The following PCP4 variants were observed in gnomAD, a reference collection of about 807,000 sequenced individuals.
PCP4 encodes the protein calmodulin regulator protein PCP4.
In PCP4, 8 loss-of-function variants were observed where a neutral mutation model predicts 10.0. The observed-to-expected ratio is 0.80, with a 90% CI of 0.47 to 1.45. The LOEUF is 1.45. Ranked by LOEUF, PCP4 falls within the 40% of genes most tolerant of loss-of-function variation. The pLI is 0.00. For synonymous variants in PCP4, 21 were observed against 23.0 expected, an observed-to-expected ratio of 0.91 and a Z score of 0.24; for missense variants, 54 against 74.4, an observed-to-expected ratio of 0.73 and a Z score of 1.01.
chr21:39,880,482 C>T (rs770167114), intron 1 of PCP4, among the ~76,000 whole-genome samples: 6 of 151,782 alleles, frequency 4.0e-5, no homozygotes, highest in Non-Finnish European at 5.9e-5. Flanking sequence ...TGTGTGCATG[C>T]GTGTGAGTGT....
rs571880500 is a variant in PCP4 at position 39,897,977 on chromosome 21, C to T, written c.10-499C>T. ...AGGAGAATGGTGTGAACCTGGGAGG[C>T]GGAGGTTGCAGCGAGCCAAGATTGC... On this transcript the variant is annotated intron_variant, in intron 1 of 2. Transcript: ENST00000328619. Among the ~76,000 whole-genome samples the T allele has an allele frequency of 1.3e-3, 166 of 131,180 alleles. 1 individual carries two copies. Among genetic ancestry groups the T allele is most frequent in the Admixed American group, 4.4e-3 (47 of 10,762 alleles). 86.1% of individuals were successfully genotyped at this position (131,180 alleles called of 152,430 possible).
chr21:39,882,998 T>G (rs1046682843), intron 1 of PCP4, among the ~76,000 whole-genome samples: 13 of 152,212 alleles, frequency 8.5e-5, no homozygotes, highest in Non-Finnish European at 1.6e-4. Context: ...CCACTGTTAT[T>G]TTTTTTCTAA....
chr21:39,886,615 C>T (rs1488778413), intron 1 of PCP4, among the ~76,000 whole-genome samples: 2 of 152,048 alleles, frequency 1.3e-5, no homozygotes, highest in East Asian at 3.9e-4. Flanking sequence ...CAAAAATAAA[C>T]AAGTGACAAG....
At chr21:39,874,169 A>C (rs572841555) in intron 1 of PCP4, among the ~76,000 whole-genome samples, 1 of 152,114 alleles carries the variant, frequency 6.6e-6, no homozygotes, top group African/African-American at 2.4e-5. Context: ...AAATAAGGCA[A>C]TTTTCCTCAC....
Position 39,914,438 on chromosome 21 carries a change from G to T in PCP4, c.62-14546G>T, listed in dbSNP as rs149930062. Among the ~76,000 whole-genome samples the T allele has an allele frequency of 1.6e-3, 236 of 152,194 alleles. 5 individuals are homozygous for T. Among genetic ancestry groups the T allele is most frequent in the African/African-American group, 5.6e-3 (231 of 41,538 alleles). On this transcript the variant is annotated intron_variant, in intron 2 of 2. Transcript: ENST00000328619. Reference sequence around the variant, plus strand: ...AAAACATACACACACAAAATTAGCTGGGTGTGGTGGCGTGTGCCTATAATC... The same window carrying T: ...AAAACATACACACACAAAATTAGCTTGGTGTGGTGGCGTGTGCCTATAATC...
In PCP4 at chr21:39,914,439, G is replaced by A. The variant is rs372792126; in HGVS notation, c.62-14545G>A. Among the ~76,000 whole-genome samples, 193 of 152,154 alleles carry A rather than the reference G, an allele frequency of 1.3e-3. 5 individuals carry two copies. In the South Asian group the frequency reaches 0.039, roughly 30 times the overall value. ...AAACATACACACACAAAATTAGCTG[G>A]GTGTGGTGGCGTGTGCCTATAATCT... On this transcript the variant is annotated intron_variant, in intron 2 of 2. Transcript: ENST00000328619.
intron 1 of PCP4, among the ~76,000 whole-genome samples, chr21:39,872,659 G>A (rs1168396555): frequency 6.6e-6 from 1 of 152,136 alleles, no homozygotes; most frequent in African/African-American, 2.4e-5. Flanking sequence ...TTCCCAAAAG[G>A]GACAATTTTA....
chr21:39,871,619 T>C (rs1323547977), intron 1 of PCP4, among the ~76,000 whole-genome samples: 1 of 152,240 alleles, frequency 6.6e-6, no homozygotes, highest in Non-Finnish European at 1.5e-5. Context: ...TTTCCTCTAA[T>C]TGGGGATATT....
chr21:39,897,982 G>A (rs368918062), intron 1 of PCP4, among the ~76,000 whole-genome samples: 19 of 144,244 alleles, frequency 1.3e-4, no homozygotes, highest in East Asian at 1.2e-3. Context: ...GGAGGCGGAG[G>A]TTGCAGCGAG....
At chr21:39,877,226 T>C (rs1305478263) in intron 1 of PCP4, among the ~76,000 whole-genome samples, 1 of 152,134 alleles carries the variant, frequency 6.6e-6, no homozygotes, top group Non-Finnish European at 1.5e-5. Flanking sequence ...TAGCCTTGAG[T>C]AAAAAAAGAA....
chr21:39,882,521 G>C (rs1001115445), intron 1 of PCP4, among the ~76,000 whole-genome samples: 1 of 152,198 alleles, frequency 6.6e-6, no homozygotes, highest in South Asian at 2.1e-4. Context: ...CTTTCTCTGT[G>C]GCCGGTTTTT....
At chr21:39,874,520 T>C (rs1414866627) in intron 1 of PCP4, among the ~76,000 whole-genome samples, 1 of 152,148 alleles carries the variant, frequency 6.6e-6, no homozygotes, top group Non-Finnish European at 1.5e-5. Context: ...TTTAATTTTA[T>C]ATGACCTCTG....
intron 2 of PCP4, among the ~76,000 whole-genome samples, chr21:39,899,904 G>A (rs1030454351): frequency 1.3e-5 from 2 of 152,154 alleles, no homozygotes; most frequent in Non-Finnish European, 2.9e-5. Flanking sequence ...GGCGCTGTGA[G>A]CCTCCACTGA....
chr21:39,923,629 G>A (rs541695839), intron 2 of PCP4, among the ~76,000 whole-genome samples: 1 of 152,342 alleles, frequency 6.6e-6, no homozygotes, highest in Non-Finnish European at 1.5e-5. Flanking sequence ...TGATTTTCCA[G>A]TACACGCGGC....
chr21:39,869,559 C>T (rs984742683), intron 1 of PCP4, among the ~76,000 whole-genome samples: 3 of 152,184 alleles, frequency 2.0e-5, no homozygotes, highest in African/African-American at 7.2e-5. Context: ...ATCCTCCCTC[C>T]TGCCCTCTTC....
chr21:39,926,795 C>G (rs1223475890), intron 2 of PCP4, among the ~76,000 whole-genome samples: 1 of 152,208 alleles, frequency 6.6e-6, no homozygotes, highest in Non-Finnish European at 1.5e-5. Context: ...TTTTACTTCT[C>G]CCAGTGATCC....
At chr21:39,929,391 A>AATTCAAG (rs1418918028) in exon 3 of PCP4, 3 of 255,272 alleles carry the variant, frequency 1.2e-5, no homozygotes, top group Non-Finnish European at 2.2e-5. Context: ...ACGATGAGTG[A>AATTCAAG]ATTCAAGTGA....
intron 1 of PCP4, among the ~76,000 whole-genome samples, chr21:39,881,020 T>C (rs1228975998): frequency 6.6e-6 from 1 of 152,218 alleles, no homozygotes; most frequent in East Asian, 1.9e-4. Context: ...CATTTTATTT[T>C]TTTTTGTGGG....
chr21:39,914,819 T>G (rs2087560959), intron 2 of PCP4, among the ~76,000 whole-genome samples: 1 of 152,184 alleles, frequency 6.6e-6, no homozygotes, highest in African/African-American at 2.4e-5. Context: ...GTTTAATGCT[T>G]TAAATCTGGT....
Sources: allele counts gnomAD v4.1 joint callset (sites outside exome capture counted in the v4.1 genomes callset), GRCh38; gene constraint gnomAD v4.1.1; transcripts MANE v1.5; gene names NCBI Gene and HGNC (gene_info 2026-07-23, HGNC 2026-07-21).